MCF2L2: variants seen among roughly 807,000 people sequenced by gnomAD.
MCF2L2 encodes the protein probable guanine nucleotide exchange factor MCF2L2.
Under a neutral mutation model 150.2 loss-of-function variants are expected in MCF2L2, and 102 were observed. The ratio of observed to expected loss-of-function variants is 0.68; its 90% confidence interval spans 0.58 to 0.80. The LOEUF (loss-of-function observed/expected upper bound fraction) is 0.80. Among genes scored for constraint, MCF2L2 ranks in the 30% least tolerant of loss-of-function variants. The pLI is 0.00. For synonymous variants in MCF2L2, 465 were observed against 491.3 expected (o/e 0.95, Z 0.71); for missense variants, 1,256 against 1,372.8 (o/e 0.91, Z 1.34).
chr3:183,325,519 T>C (rs1729987697), intron 5 of MCF2L2, among the ~76,000 whole-genome samples: 1 of 152,210 alleles, frequency 6.6e-6, no homozygotes, highest in African/African-American at 2.4e-5. Context: ...TTTAAACCAC[T>C]TATGGGAGTT....
At chr3:183,316,930 T>A (rs1729628058) in intron 7 of MCF2L2, among the ~76,000 whole-genome samples, 1 of 152,088 alleles carries the variant, frequency 6.6e-6, no homozygotes, top group Non-Finnish European at 1.5e-5. Flanking sequence ...GGTCTTGAAC[T>A]CCTGACCTCA....
At chr3:183,387,324 G>A (rs1405886337) in intron 2 of MCF2L2, among the ~76,000 whole-genome samples, 1 of 150,900 alleles carries the variant, frequency 6.6e-6, no homozygotes, top group Non-Finnish European at 1.5e-5. Context: ...AAGGAACTCA[G>A]AAATGAAGGG....
chr3:183,388,574 T>C (rs1023143215), intron 2 of MCF2L2, among the ~76,000 whole-genome samples: 2 of 152,212 alleles, frequency 1.3e-5, no homozygotes, highest in African/African-American at 4.8e-5. Context: ...GAGCACCTTT[T>C]ATGTTCCAGT....
intron 14 of MCF2L2, among the ~76,000 whole-genome samples, chr3:183,288,481 C>CTTTT (rs535192977): frequency 7.4e-6 from 1 of 135,218 alleles, no homozygotes; most frequent in African/African-American, 2.7e-5. Context: ...TTGTCATGCT[C>CTTTT]TTTTTTTTTT....
At chr3:183,182,144 T>C (rs1721547283) in intron 27 of MCF2L2, among the ~76,000 whole-genome samples, 1 of 152,156 alleles carries the variant, frequency 6.6e-6, no homozygotes. Flanking sequence ...CTGTTTCCTC[T>C]AGCCCATTCC....
rs145313790 is a variant in MCF2L2, at chr3:183,249,495, A to G, written c.1863-18478T>C. On this transcript the variant is annotated intron_variant, in intron 15 of 29. Transcript: ENST00000328913. ...CTTATGCGTTGGTGTGAAGGAGATG[A>G]TCAGTTCCAGGAGGCCCCTCCCCCA... Among the ~76,000 whole-genome samples, 249 of 152,306 alleles carry G rather than the reference A, an allele frequency of 1.6e-3. 1 individual carries two copies. Among genetic ancestry groups the G allele is most frequent in the Non-Finnish European group, 1.2e-3 (84 of 68,018 alleles).
At chr3:183,365,862 C>T (rs969345841) in intron 3 of MCF2L2, among the ~76,000 whole-genome samples, 1 of 151,708 alleles carries the variant, frequency 6.6e-6, no homozygotes, top group South Asian at 2.1e-4. Flanking sequence ...AGATAAAGGG[C>T]TAATACACCA....
At chr3:183,192,958 C>A in intron 27 of MCF2L2, 41 bp downstream of exon 27, 1 of 1,470,750 alleles carries the variant, frequency 6.8e-7, no homozygotes, top group Admixed American at 1.7e-5. Context: ...GGCATCACCC[C>A]ACTGCTTCTG....
rs189474716 is a variant in MCF2L2 at position 183,188,142 on chromosome 3, C to A, written c.3016+4857G>T. On this transcript the variant is annotated intron_variant, in intron 27 of 29. Coordinates refer to ENST00000328913, the MANE Select transcript of MCF2L2 (RefSeq NM_015078.4). ...CCATAGCCTGATAAGAGTCTAGGAC[C>A]CCCACTATACATGCCACCAGTAGAA... is the stretch of plus-strand genomic sequence containing the variant. 2.0e-4 allele frequency among the ~76,000 whole-genome samples: 30 copies of A among 152,192 alleles called. No individual in the cohort carries two copies. The East Asian group carries it at 4.8e-3, about 24-fold the overall frequency.
chr3:183,364,286 G>A (rs1712385950), intron 3 of MCF2L2, among the ~76,000 whole-genome samples: 1 of 152,110 alleles, frequency 6.6e-6, no homozygotes, highest in South Asian at 2.1e-4. Flanking sequence ...GGAGGGCGAG[G>A]CGGGCGGATC....
intron 12 of MCF2L2, 38 bp from the exon 13 acceptor site, chr3:183,295,515 T>C (rs1444086581): frequency 6.3e-7 from 1 of 1,597,078 alleles, no homozygotes; most frequent in South Asian, 1.1e-5. Flanking sequence ...AACAGGTCTC[T>C]CTGTATACAG....
At chr3:183,233,797 C>T (rs890984733) in intron 15 of MCF2L2, among the ~76,000 whole-genome samples, 3 of 152,012 alleles carry the variant, frequency 2.0e-5, no homozygotes, top group Non-Finnish European at 4.4e-5. Flanking sequence ...ATAGGGTTTA[C>T]ATAATATTTT....
At chr3:183,285,835 T>A (rs1727759920) in intron 14 of MCF2L2, among the ~76,000 whole-genome samples, 1 of 152,160 alleles carries the variant, frequency 6.6e-6, no homozygotes, top group African/African-American at 2.4e-5. Flanking sequence ...TAGGTCCACA[T>A]TTAGGAAAAA....
Position 183,179,557 on chromosome 3 carries a change from C to T in MCF2L2, c.3221+20G>A, listed in dbSNP as rs1721440893. ...GCCGTGGCCCAAAGAGGCGCTTAGT[C>T]TTTCCTCGCTCACACTCACGTTTCC... is the stretch of plus-strand genomic sequence containing the variant. On this transcript the variant is annotated intron_variant, in intron 29 of 29. Coordinates refer to ENST00000328913, the MANE Select transcript of MCF2L2 (RefSeq NM_015078.4). The surrounding 1 kb of genome is among the most constrained non-coding windows in gnomAD (Gnocchi z 4.2). 6.2e-7 allele frequency: 1 copy of T among 1,613,570 alleles called. No homozygotes were observed. The highest frequency in any genetic ancestry group is 8.5e-7 in the Non-Finnish European group (1 of 1,179,768).
At chr3:183,318,712 T>C (rs534185451) in intron 6 of MCF2L2, among the ~76,000 whole-genome samples, 3 of 152,212 alleles carry the variant, frequency 2.0e-5, no homozygotes, top group Non-Finnish European at 4.4e-5. Context: ...AATGTTACAA[T>C]AAAGTGAGTC....
chr3:183,361,134 G>C (rs1435882973), intron 3 of MCF2L2, among the ~76,000 whole-genome samples: 1 of 91,786 alleles, frequency 1.1e-5, no homozygotes, highest in Non-Finnish European at 1.9e-5. Flanking sequence ...AAAAGAAAAA[G>C]GAAAAGAGAC....
rs144957716 is a variant in MCF2L2 at position 183,192,347 on chromosome 3, C to T, written c.3016+652G>A. On this transcript the variant is annotated intron_variant, in intron 27 of 29. Transcript: ENST00000328913. ...AGAGACAAGGTTTCACCATCTTGGC[C>T]AGGCTGGTCTTAAACTCCTGACCTC... is the stretch of plus-strand genomic sequence containing the variant. Among the ~76,000 whole-genome samples, 909 of 152,232 alleles carry T rather than the reference C, an allele frequency of 6.0e-3. 6 individuals are homozygous for T. Among genetic ancestry groups the T allele is most frequent in the African/African-American group, 0.021 (862 of 41,536 alleles).
chr3:183,275,159 AT>A (rs1308062154), intron 15 of MCF2L2, among the ~76,000 whole-genome samples: 1 of 152,100 alleles, frequency 6.6e-6, no homozygotes, highest in Non-Finnish European at 1.5e-5. Flanking sequence ...ATTTAGTCAC[AT>A]ATATTATCGT....
intron 1 of MCF2L2, among the ~76,000 whole-genome samples, chr3:183,413,626 C>T (rs893867562): frequency 1.2e-4 from 18 of 152,244 alleles, no homozygotes; most frequent in African/African-American, 3.6e-4. Flanking sequence ...GCACCCCCAA[C>T]TCAGCTCCCT....
Sources: gnomAD v4.1 joint callset for allele counts (sites outside exome capture counted in the v4.1 genomes callset) on GRCh38, gnomAD v4.1.1 for gene constraint, Gnocchi (gnomAD v3.1) non-coding constraint, MANE v1.5 for transcripts, NCBI Gene and HGNC (gene_info 2026-07-23, HGNC 2026-07-21) for gene names.